CACNA2D3: variants seen among roughly 807,000 people sequenced by gnomAD.
The protein encoded by CACNA2D3 is calcium voltage-gated channel auxiliary subunit alpha2delta 3, also known as voltage-dependent calcium channel subunit alpha-2/delta-3.
A neutral mutation model predicts 160.6 loss-of-function variants in CACNA2D3; 60 were observed. The ratio of observed to expected loss-of-function variants is 0.37; its 90% CI spans 0.30 to 0.46. The LOEUF (loss-of-function observed/expected upper bound fraction) is 0.46. Among genes scored for constraint, CACNA2D3 ranks in the 20% least tolerant of loss-of-function variants. The pLI is 1.00. For missense variants in CACNA2D3, 1,205 were observed against 1,365.0 expected (o/e 0.88, Z 1.85); for synonymous variants, 558 against 492.9 (o/e 1.13, Z -1.75).
intron 6 of CACNA2D3, among the ~76,000 whole-genome samples, chr3:54,566,399 A>T (rs1026948460): frequency 3.9e-5 from 6 of 152,164 alleles, no homozygotes; most frequent in African/African-American, 1.4e-4. Flanking sequence ...CTGCACAGTC[A>T]TCCCTTTTCC....
At chr3:54,974,598 C>G (rs567520802) in intron 29 of CACNA2D3, among the ~76,000 whole-genome samples, 1 of 152,216 alleles carries the variant, frequency 6.6e-6, no homozygotes, top group Non-Finnish European at 1.5e-5. Flanking sequence ...CCTGATCCAC[C>G]TCTGTGACTA....
chr3:54,651,436 A>G (rs1183990151), intron 11 of CACNA2D3, among the ~76,000 whole-genome samples: 1 of 152,068 alleles, frequency 6.6e-6, no homozygotes, highest in East Asian at 1.9e-4. Context: ...AAAAAAAAAA[A>G]AAAAAGCAAG....
intron 2 of CACNA2D3, among the ~76,000 whole-genome samples, chr3:54,212,910 T>TGA (rs1375396354): frequency 6.6e-6 from 1 of 152,092 alleles, no homozygotes; most frequent in African/African-American, 2.4e-5. Context: ...AGAGGATTAA[T>TGA]GAGATGATGC....
chr3:54,796,471 C>T (rs1166566420), intron 13 of CACNA2D3, among the ~76,000 whole-genome samples: 1 of 152,182 alleles, frequency 6.6e-6, no homozygotes, highest in African/African-American at 2.4e-5. Context: ...TATCAGGCAA[C>T]ACATGGCTTT....
intron 8 of CACNA2D3, among the ~76,000 whole-genome samples, chr3:54,576,609 A>G (rs1023140237): frequency 2.0e-5 from 3 of 152,224 alleles, no homozygotes; most frequent in African/African-American, 7.2e-5. Flanking sequence ...ATGGAGACAG[A>G]GGGACAGTTA....
rs534805027 is a variant in CACNA2D3 at position 54,881,322 on chromosome 3, A to G, written c.1912+459A>G. 3.3e-5 allele frequency among the ~76,000 whole-genome samples: 5 copies of G among 152,274 alleles called. No homozygotes were observed. In the South Asian group the frequency reaches 1.0e-3, roughly 32 times the overall value. On this transcript the variant is annotated intron_variant, in intron 21 of 37. Coordinates refer to ENST00000474759, the MANE Select transcript of CACNA2D3 (RefSeq NM_018398.3). ...TTAGTCTCTCCTACACAGTTGAGCC[A>G]CGTATTTCACTTGTGTTTCATGGCA...
At chr3:54,755,877 C>G (rs1248313277) in intron 12 of CACNA2D3, among the ~76,000 whole-genome samples, 3 of 151,988 alleles carry the variant, frequency 2.0e-5, no homozygotes, top group Non-Finnish European at 4.4e-5. Context: ...CTTCCATCAG[C>G]TAGTATGCAT....
chr3:54,744,068 G>A (rs1298619056), intron 11 of CACNA2D3, among the ~76,000 whole-genome samples: 2 of 152,170 alleles, frequency 1.3e-5, no homozygotes, highest in Non-Finnish European at 2.9e-5. Context: ...GGTCCACAGT[G>A]ATGCCTATTC....
At chr3:54,259,553 G>A (rs996592137) in intron 2 of CACNA2D3, among the ~76,000 whole-genome samples, 1 of 152,158 alleles carries the variant, frequency 6.6e-6, no homozygotes, top group African/African-American at 2.4e-5. Context: ...TTTACCGTGT[G>A]GTGGGATTGA....
chr3:54,803,081 A>C (rs939145685), intron 13 of CACNA2D3, among the ~76,000 whole-genome samples: 1 of 152,216 alleles, frequency 6.6e-6, no homozygotes, highest in Non-Finnish European at 1.5e-5. Context: ...ATCAAAGACC[A>C]AAAGTAGATA....
chr3:54,814,241 C>A (rs918993019), intron 13 of CACNA2D3, among the ~76,000 whole-genome samples: 1 of 152,174 alleles, frequency 6.6e-6, no homozygotes, highest in Non-Finnish European at 1.5e-5. Context: ...TTCATCCAGC[C>A]GTTGCTAATT....
At chr3:54,593,128 G>A (rs1702892532) in intron 9 of CACNA2D3, among the ~76,000 whole-genome samples, 1 of 152,128 alleles carries the variant, frequency 6.6e-6, no homozygotes, top group Non-Finnish European at 1.5e-5. Context: ...AAGATAGTAA[G>A]AGTTGCACTG....
intron 2 of CACNA2D3, among the ~76,000 whole-genome samples, chr3:54,171,518 T>C (rs1700570146): frequency 6.6e-6 from 1 of 152,148 alleles, no homozygotes; most frequent in Admixed American, 6.5e-5. Context: ...TCTCCAACTC[T>C]ATTGGAAAAA....
chr3:54,790,608 T>G (rs1330399733), intron 13 of CACNA2D3, among the ~76,000 whole-genome samples: 1 of 152,178 alleles, frequency 6.6e-6, no homozygotes, highest in East Asian at 1.9e-4. Context: ...TGATGCCTGA[T>G]TATGCCATTC....
At chr3:54,714,801 A>G (rs1016553160) in intron 11 of CACNA2D3, among the ~76,000 whole-genome samples, 2 of 152,226 alleles carry the variant, frequency 1.3e-5, no homozygotes, top group Non-Finnish European at 2.9e-5. Context: ...CTAATTCACA[A>G]TAGCAAAGTA....
At chr3:54,797,935 G>A (rs1317633498) in intron 13 of CACNA2D3, among the ~76,000 whole-genome samples, 2 of 152,194 alleles carry the variant, frequency 1.3e-5, no homozygotes, top group African/African-American at 4.8e-5. Context: ...ATAGACTCCA[G>A]GGAGTTGCTT....
chr3:54,333,342 G>A (rs1704306546), intron 3 of CACNA2D3, among the ~76,000 whole-genome samples: 1 of 152,120 alleles, frequency 6.6e-6, no homozygotes. Context: ...AAGAATACAG[G>A]AAGTTGCGGC....
intron 13 of CACNA2D3, among the ~76,000 whole-genome samples, chr3:54,792,671 C>T (rs1332535494): frequency 1.3e-5 from 2 of 152,086 alleles, no homozygotes; most frequent in Non-Finnish European, 2.9e-5. Context: ...GCCCTCTGCC[C>T]TCAGAAGAAA....
At chr3:54,313,797 G>C (rs1040740476) in intron 2 of CACNA2D3, among the ~76,000 whole-genome samples, 5 of 130,832 alleles carry the variant, frequency 3.8e-5, no homozygotes, top group Non-Finnish European at 6.2e-5. Context: ...AGGAGTCACT[G>C]CCCTGACTAC....
Sources: allele counts gnomAD v4.1 joint callset (sites outside exome capture counted in the v4.1 genomes callset), GRCh38; gene constraint gnomAD v4.1.1; transcripts MANE v1.5; gene names NCBI Gene and HGNC (gene_info 2026-07-23, HGNC 2026-07-21).